The following PCDH7 variants were observed in gnomAD, a reference collection of about 807,000 sequenced individuals.
The protein encoded by PCDH7 is protocadherin 7, also known as protocadherin-7.
Under a neutral mutation model 58.9 loss-of-function variants are expected in PCDH7, and 17 were observed. That is an observed-to-expected ratio of 0.29 (90% CI 0.20 to 0.43). The LOEUF is 0.43. Ranked by LOEUF, PCDH7 falls within the 20% of genes least tolerant of loss-of-function variation. The pLI, the probability that PCDH7 is intolerant of heterozygous loss-of-function variation, is 1.00. For synonymous variants in PCDH7, 664 were observed against 616.4 expected (o/e 1.08, Z -1.14); for missense variants, 1,274 against 1,441.0 (o/e 0.88, Z 1.88).
At chr4:30,769,980 G>A (rs192751373) in intron 1 of PCDH7, among the ~76,000 whole-genome samples, 1 of 152,260 alleles carries the variant, frequency 6.6e-6, no homozygotes, top group East Asian at 1.9e-4. Flanking sequence ...TCTTGATTAT[G>A]CAGCTAAAAT....
chr4:30,855,093 T>C (rs1733288594), intron 1 of PCDH7, among the ~76,000 whole-genome samples: 1 of 152,154 alleles, frequency 6.6e-6, no homozygotes, highest in Admixed American at 6.6e-5. Flanking sequence ...ATTTTCAGTG[T>C]TCACAAAATC....
Position 30,870,912 on chromosome 4 carries a change from A to G in PCDH7, c.71-49241A>G, listed in dbSNP as rs547505532. On this transcript the variant is annotated intron_variant, in intron 1 of 3. Transcript: ENST00000509759. ...ATTGCGGCACCTGTAAACATCTTCTATGCCCCAAATTCTGAGGTTTACTCC... is the reference window on the plus strand; with the variant it reads ...ATTGCGGCACCTGTAAACATCTTCTGTGCCCCAAATTCTGAGGTTTACTCC... Among the ~76,000 whole-genome samples, 30 of 152,164 alleles carry G rather than the reference A, an allele frequency of 2.0e-4. No homozygotes were observed. In the South Asian group the frequency reaches 5.8e-3, roughly 29 times the overall value.
chr4:31,076,010 A>G (rs1578728462), intron 3 of PCDH7, among the ~76,000 whole-genome samples: 2 of 152,200 alleles, frequency 1.3e-5, no homozygotes, highest in African/African-American at 4.8e-5. Context: ...TCATGGAAAT[A>G]TTTGTATCTC....
rs1733735095 is a variant in PCDH7, at chr4:30,858,188, G to C, written c.71-61965G>C. 5.3e-5 allele frequency among the ~76,000 whole-genome samples: 8 copies of C among 152,098 alleles called. No individual in the cohort carries two copies. The South Asian group carries it at 1.7e-3, about 32-fold the overall frequency. ...TCTATCAAAGCTAATACAGACTTTT[G>C]CCAGTCTTTTTATACTCTTCCCATT... is the stretch of plus-strand genomic sequence containing the variant. On this transcript the variant is annotated intron_variant, in intron 1 of 3. Coordinates refer to the PCDH7 transcript ENST00000509759.
downstream of PCDH7, among the ~76,000 whole-genome samples, chr4:30,734,620 T>C (rs776037611): frequency 2.5e-4 from 38 of 152,122 alleles, no homozygotes; most frequent in African/African-American, 2.4e-4. Flanking sequence ...TCTTCATACA[T>C]AGGACAATGA....
chr4:30,898,718 G>C (rs1739782726), intron 1 of PCDH7, among the ~76,000 whole-genome samples: 1 of 152,174 alleles, frequency 6.6e-6, no homozygotes, highest in African/African-American at 2.4e-5. Flanking sequence ...AGCCTCCCGA[G>C]TAGCTGGGAC....
chr4:31,017,797 T>C (rs1377817919), intron 3 of PCDH7, among the ~76,000 whole-genome samples: 1 of 152,146 alleles, frequency 6.6e-6, no homozygotes, highest in Non-Finnish European at 1.5e-5. Context: ...GGTACATTGA[T>C]TTTATCTTTG....
chr4:30,850,926 C>G (rs913957148), intron 1 of PCDH7, among the ~76,000 whole-genome samples: 6 of 152,090 alleles, frequency 3.9e-5, no homozygotes, highest in Admixed American at 3.3e-4. Context: ...CAGTGGTTTG[C>G]CTGAGAGAAA....
chr4:30,838,840 G>A (rs957998414), intron 1 of PCDH7, among the ~76,000 whole-genome samples: 1 of 151,920 alleles, frequency 6.6e-6, no homozygotes, highest in African/African-American at 2.4e-5. Context: ...TCAGATCAGG[G>A]GCCAACGTTT....
At chr4:30,976,635 G>A (rs1309564950) in intron 3 of PCDH7, among the ~76,000 whole-genome samples, 1 of 151,826 alleles carries the variant, frequency 6.6e-6, no homozygotes, top group Non-Finnish European at 1.5e-5. Flanking sequence ...TCCTGACCTC[G>A]TGATCCGCCC....
intron 3 of PCDH7, among the ~76,000 whole-genome samples, chr4:31,100,491 C>T (rs781513552): frequency 1.3e-5 from 2 of 152,142 alleles, no homozygotes; most frequent in Non-Finnish European, 2.9e-5. Context: ...CCTGATAAAA[C>T]ACAGGAAGTT....
chr4:30,888,188 TA>T (rs1480104592), intron 1 of PCDH7, among the ~76,000 whole-genome samples: 2 of 152,138 alleles, frequency 1.3e-5, no homozygotes, highest in Non-Finnish European at 1.5e-5. Flanking sequence ...CATTTCTTTT[TA>T]AAATGGATTT....
At chr4:30,770,064 T>A (rs1466367156) in intron 1 of PCDH7, among the ~76,000 whole-genome samples, 4 of 152,186 alleles carry the variant, frequency 2.6e-5, no homozygotes, top group Non-Finnish European at 5.9e-5. Flanking sequence ...AGTGGTGTAC[T>A]CGTAATGGCC....
intron 1 of PCDH7, among the ~76,000 whole-genome samples, chr4:30,912,897 T>C (rs947534921): frequency 1.3e-5 from 2 of 152,178 alleles, no homozygotes; most frequent in African/African-American, 4.8e-5. Context: ...GCTTAGTAGA[T>C]GAAAGGCACT....
In PCDH7 at chr4:30,722,042, C is replaced by A; in HGVS notation, c.620C>A (p.Pro207His). The A allele has an allele frequency of 2.4e-6, 3 of 1,242,108 alleles. No homozygotes were observed. The highest frequency in any genetic ancestry group is 3.0e-6 in the Non-Finnish European group (3 of 995,392). 76.9% of individuals were successfully genotyped at this position (1,242,108 alleles called of 1,614,324 possible). Residue 207 changes from proline (P) to histidine (H), a missense_variant, in exon 1 of 2, where the codon CCC becomes CAC. Physicochemically the swap from Pro to His is moderately conservative, Grantham distance 77. This residue lies in a region of PCDH7 where 331 missense variants were observed against 303.2 expected (regional missense o/e 1.09). Transcript: ENST00000361762. This position sits in a 1 kb window ranked among gnomAD's most constrained non-coding sequence, Gnocchi z 7.6. ...GGGGCGGCCGACAGCGCCCCCTACC[C>A]CGGGGGCGGCGGGAACGGCGCGAGC...
chr4:30,997,214 G>T (rs529500071), intron 3 of PCDH7, among the ~76,000 whole-genome samples: 1 of 151,952 alleles, frequency 6.6e-6, no homozygotes, highest in Non-Finnish European at 1.5e-5. Context: ...CAAAATAAAT[G>T]TATTTATAAT....
intron 2 of PCDH7, among the ~76,000 whole-genome samples, chr4:30,932,824 T>C (rs1329937187): frequency 6.6e-6 from 1 of 152,082 alleles, no homozygotes; most frequent in Non-Finnish European, 1.5e-5. Context: ...GTCTCGACAA[T>C]ATTACAAGAT....
intron 1 of PCDH7, among the ~76,000 whole-genome samples, chr4:30,748,031 C>T (rs1717995495): frequency 6.6e-6 from 1 of 152,066 alleles, no homozygotes; most frequent in Non-Finnish European, 1.5e-5. Flanking sequence ...AAAGTTTAAG[C>T]AATCAGTTAT....
At chr4:30,780,558 A>T (rs1323433189) in intron 1 of PCDH7, among the ~76,000 whole-genome samples, 1 of 152,140 alleles carries the variant, frequency 6.6e-6, no homozygotes, top group Non-Finnish European at 1.5e-5. Flanking sequence ...TTTTTATAAA[A>T]ACAATAAAAT....
Sources: allele counts gnomAD v4.1 joint callset (sites outside exome capture counted in the v4.1 genomes callset), GRCh38; gene constraint gnomAD v4.1.1; regional missense constraint gnomAD v4.1.1; non-coding constraint Gnocchi (gnomAD v3.1); transcripts MANE v1.5; gene names NCBI Gene and HGNC (gene_info 2026-07-23, HGNC 2026-07-21).